Variants in ITGBL1 observed in about 807,000 individuals in gnomAD.
ITGBL1 encodes integrin subunit beta like 1, also known as integrin beta-like protein 1.
Under a neutral mutation model 68.5 loss-of-function variants are expected in ITGBL1, and 51 were observed. That is an observed-to-expected ratio of 0.74 (90% CI 0.59 to 0.94). The LOEUF (loss-of-function observed/expected upper bound fraction) is 0.94, where lower values mean the gene tolerates loss of function less well. Among genes scored for constraint, ITGBL1 ranks in the 40% least tolerant of loss-of-function variants. The pLI, the probability that ITGBL1 is intolerant of heterozygous loss-of-function variation, is 0.00. For synonymous variants in ITGBL1, 209 were observed against 227.3 expected (o/e 0.92, Z 0.72); for missense variants, 649 against 647.4 (o/e 1.00, Z -0.03).
Position 101,678,967 on chromosome 13 carries a change from G to A in ITGBL1, c.1016-13618G>A, listed in dbSNP as rs565902163. Among the ~76,000 whole-genome samples the A allele has an allele frequency of 2.6e-5, 4 of 151,132 alleles. No individual in the cohort carries two copies. The South Asian group carries it at 8.4e-4, about 32-fold the overall frequency. On this transcript the variant is annotated intron_variant, in intron 7 of 10. Transcript: ENST00000376180. ...GAGTCTCACTGTTGCCCAGGCTAGA[G>A]TGCAGTGGTGTGATCTGCAACCTCC...
chr13:101,559,995 C>G (rs1392781411), intron 2 of ITGBL1, among the ~76,000 whole-genome samples: 1 of 152,152 alleles, frequency 6.6e-6, no homozygotes, highest in African/African-American at 2.4e-5. Context: ...TGAAAATGCT[C>G]TCAGGAATGA....
At chr13:101,453,735 G>A in intron 1 of ITGBL1, 148 bp from the exon 2 acceptor site, 1 of 410,904 alleles carries the variant, frequency 2.4e-6, no homozygotes, top group Non-Finnish European at 4.0e-6. Context: ...GCAGCGCTTG[G>A]ACCCCAGAGA....
At chr13:101,676,770 A>G (rs1269153967) in intron 7 of ITGBL1, among the ~76,000 whole-genome samples, 2 of 152,186 alleles carry the variant, frequency 1.3e-5, no homozygotes, top group South Asian at 4.1e-4. Flanking sequence ...GTGGAAAAGG[A>G]GTCGGTTGAA....
At chr13:101,548,731 T>C (rs564571761) in intron 2 of ITGBL1, among the ~76,000 whole-genome samples, 1 of 151,680 alleles carries the variant, frequency 6.6e-6, no homozygotes, top group Non-Finnish European at 1.5e-5. Flanking sequence ...AAACAAAATA[T>C]CTGAAACAAA....
chr13:101,462,198 C>A (rs1277728957), intron 2 of ITGBL1, among the ~76,000 whole-genome samples: 1 of 152,180 alleles, frequency 6.6e-6, no homozygotes, highest in Non-Finnish European at 1.5e-5. Flanking sequence ...CTTCCATCAT[C>A]ACATCCCTTC....
chr13:101,704,900 C>T (rs1157685379), intron 8 of ITGBL1, among the ~76,000 whole-genome samples: 1 of 152,024 alleles, frequency 6.6e-6, no homozygotes, highest in Non-Finnish European at 1.5e-5. Flanking sequence ...TGAAAAAGAC[C>T]ACAATTACCT....
chr13:101,597,440 A>G (rs2030043059), intron 6 of ITGBL1, among the ~76,000 whole-genome samples: 1 of 119,626 alleles, frequency 8.4e-6, no homozygotes, highest in Non-Finnish European at 1.8e-5. Context: ...AAAAAAAAAA[A>G]ATCCTGCTTC....
intron 7 of ITGBL1, among the ~76,000 whole-genome samples, chr13:101,682,016 C>A (rs961774692): frequency 6.6e-6 from 1 of 152,158 alleles, no homozygotes; most frequent in Non-Finnish European, 1.5e-5. Flanking sequence ...CAGAAGTTGA[C>A]AACTTTCCAT....
intron 2 of ITGBL1, among the ~76,000 whole-genome samples, chr13:101,558,680 C>T (rs2050051294): frequency 1.3e-5 from 2 of 152,092 alleles, no homozygotes; most frequent in Admixed American, 1.3e-4. Context: ...GATGAAACGG[C>T]AGAGGAAGAT....
At chr13:101,675,749 A>G (rs2033485808) in intron 7 of ITGBL1, among the ~76,000 whole-genome samples, 1 of 152,148 alleles carries the variant, frequency 6.6e-6, no homozygotes, top group African/African-American at 2.4e-5. Context: ...ATTTCTTCAA[A>G]TGTCCTTTCT....
intron 7 of ITGBL1, among the ~76,000 whole-genome samples, chr13:101,674,842 A>T (rs1414188108): frequency 6.6e-6 from 1 of 151,608 alleles, no homozygotes; most frequent in African/African-American, 2.4e-5. Flanking sequence ...TTTTTATGGA[A>T]TTTTTTCACT....
chr13:101,580,443 T>TA (rs746715051), intron 5 of ITGBL1, among the ~76,000 whole-genome samples: 1,077 of 28,838 alleles, frequency 0.037, 4 homozygotes, highest in Non-Finnish European at 0.094. Context: ...TTCTTTTTAT[T>TA]ATTTATTATT....
intron 3 of ITGBL1, among the ~76,000 whole-genome samples, chr13:101,568,405 A>G (rs1177977745): frequency 6.6e-6 from 1 of 152,162 alleles, no homozygotes; most frequent in Non-Finnish European, 1.5e-5. Context: ...GCAAAATCAT[A>G]TAAAAGAGTT....
intron 2 of ITGBL1, among the ~76,000 whole-genome samples, chr13:101,488,539 A>T (rs1458174927): frequency 6.6e-6 from 1 of 152,186 alleles, no homozygotes; most frequent in African/African-American, 2.4e-5. Context: ...GTCAACTTTA[A>T]CTTGAGAGAG....
Position 101,618,549 on chromosome 13 carries a change from A to G in ITGBL1, c.1015+20250A>G, listed in dbSNP as rs565459682. 3.3e-5 allele frequency among the ~76,000 whole-genome samples: 5 copies of G among 152,322 alleles called. No homozygotes were observed. The East Asian group carries it at 9.6e-4, about 29-fold the overall frequency. Reference sequence around the variant, plus strand: ...TTTATGTGCTCACAAACCAAAAAGGACAGGGGTACAGATGACCTTTGGGAA... The same window carrying G: ...TTTATGTGCTCACAAACCAAAAAGGGCAGGGGTACAGATGACCTTTGGGAA... On this transcript the variant is annotated intron_variant, in intron 7 of 10. Transcript: ENST00000376180.
At chr13:101,569,300 G>A (rs1264505094) in intron 3 of ITGBL1, among the ~76,000 whole-genome samples, 6 of 152,034 alleles carry the variant, frequency 3.9e-5, no homozygotes, top group Admixed American at 1.3e-4. Context: ...ATAATCAAAT[G>A]TGGTAGTCTA....
intron 6 of ITGBL1, among the ~76,000 whole-genome samples, chr13:101,589,732 TGAG>T: frequency 6.6e-6 from 1 of 152,334 alleles, no homozygotes; most frequent in East Asian, 1.9e-4. Context: ...AGAAGATTAT[TGAG>T]GAGTCATCAC....
intron 9 of ITGBL1, chr13:101,712,672 C>A (rs1275771211): frequency 6.6e-6 from 1 of 152,150 alleles, no homozygotes; most frequent in Non-Finnish European, 1.5e-5. Context: ...TGGTGCCTTT[C>A]GAGGAAACTT....
chr13:101,623,797 G>A (rs976738397), intron 7 of ITGBL1, among the ~76,000 whole-genome samples: 1 of 152,238 alleles, frequency 6.6e-6, no homozygotes, highest in Non-Finnish European at 1.5e-5. Context: ...TCAGGGCAGT[G>A]TGGTAAGTAG....
Sources: gnomAD v4.1 joint callset for allele counts (sites outside exome capture counted in the v4.1 genomes callset) on GRCh38, gnomAD v4.1.1 for gene constraint, MANE v1.5 for transcripts, NCBI Gene and HGNC (gene_info 2026-07-23, HGNC 2026-07-21) for gene names.